The following ZNF385D variants were observed in gnomAD, a reference collection of about 807,000 sequenced individuals.
ZNF385D encodes zinc finger protein 385D.
Under a neutral mutation model 35.8 loss-of-function variants are expected in ZNF385D, and 15 were observed. The ratio of observed to expected loss-of-function variants is 0.42; its 90% confidence interval spans 0.28 to 0.64. The LOEUF (loss-of-function observed/expected upper bound fraction) is 0.64. Ranked by LOEUF, ZNF385D falls within the 30% of genes least tolerant of loss-of-function variation. The probability of loss-of-function intolerance (pLI) is 0.23; values close to 1 mark genes in which losing one functional copy is unlikely to be tolerated. For synonymous variants in ZNF385D, 212 were observed against 186.8 expected (o/e 1.13, Z -1.10); for missense variants, 474 against 494.6 (o/e 0.96, Z 0.39).
intron 3 of ZNF385D, among the ~76,000 whole-genome samples, chr3:21,560,527 G>C (rs2062903629): frequency 6.6e-6 from 1 of 152,212 alleles, no homozygotes; most frequent in African/African-American, 2.4e-5. Context: ...CTTTGTCCCA[G>C]AGGGCTACCT....
intron 1 of ZNF385D, among the ~76,000 whole-genome samples, chr3:21,694,113 G>C (rs919460612): frequency 6.4e-5 from 9 of 140,474 alleles, no homozygotes; most frequent in Non-Finnish European, 1.4e-4. Flanking sequence ...GCGCGATCTC[G>C]GCTCACTGCA....
intron 7 of ZNF385D, among the ~76,000 whole-genome samples, chr3:21,422,357 A>G (rs1219325706): frequency 2.0e-5 from 3 of 152,330 alleles, no homozygotes; most frequent in Admixed American, 2.0e-4. Flanking sequence ...AAGTAACTTT[A>G]CTTTTTTAAA....
chr3:21,774,045 T>C (rs1165729872), intron 3 of ZNF385D, among the ~76,000 whole-genome samples: 2 of 151,900 alleles, frequency 1.3e-5, no homozygotes, highest in African/African-American at 4.8e-5. Context: ...ATAGACTGCG[T>C]AAAGAAAATG....
chr3:22,345,514 C>T (rs1290791896), intron 2 of ZNF385D, among the ~76,000 whole-genome samples: 2 of 152,148 alleles, frequency 1.3e-5, no homozygotes, highest in Non-Finnish European at 2.9e-5. Context: ...CCATTTTAGG[C>T]AATGGAGATA....
chr3:22,158,915 A>G (rs542497816), intron 3 of ZNF385D, among the ~76,000 whole-genome samples: 7 of 152,228 alleles, frequency 4.6e-5, no homozygotes, highest in African/African-American at 1.7e-4. Flanking sequence ...CCTTGGGAAA[A>G]TTACTTCTAG....
In ZNF385D at chr3:22,082,311, G is replaced by A. The variant is rs185400905; in HGVS notation, c.325+86506C>T. ...CCCTTTCCTAGCCAAGGGAAGCCAT[G>A]ACAGACAGTACCTGGAAAATTGGGA... On this transcript the variant is annotated intron_variant, in intron 3 of 5. Transcript: ENST00000494108. Among the ~76,000 whole-genome samples the A allele has an allele frequency of 1.5e-4, 23 of 152,250 alleles. No homozygotes were observed. The East Asian group carries it at 3.9e-3, about 26-fold the overall frequency.
In ZNF385D at chr3:22,342,415, A is replaced by T. The variant is rs188810564; in HGVS notation, c.106+30035T>A. On this transcript the variant is annotated intron_variant, in intron 2 of 5. Transcript: ENST00000494108. ...GTAGACTTACAATCAAGTTCTGCTA[A>T]TTATTTACTTGTAAATTCTATGAAT... Among the ~76,000 whole-genome samples the T allele has an allele frequency of 1.9e-3, 289 of 152,156 alleles. 6 individuals carry two copies. In the South Asian group the frequency reaches 0.027, roughly 14 times the overall value.
intron 4 of ZNF385D, among the ~76,000 whole-genome samples, chr3:21,464,359 TC>T (rs1303107722): frequency 1.5e-4 from 23 of 152,140 alleles, no homozygotes; most frequent in Non-Finnish European, 1.5e-4. Flanking sequence ...AATAAATAAA[TC>T]TTACTGCTAA....
In ZNF385D at chr3:22,151,023, C is replaced by T. The variant is rs545748709; in HGVS notation, c.325+17794G>A. 4.1e-4 allele frequency among the ~76,000 whole-genome samples: 63 copies of T among 152,204 alleles called. 1 individual carries two copies. The highest frequency in any genetic ancestry group is 7.1e-4 in the Non-Finnish European group (48 of 68,008). On this transcript the variant is annotated intron_variant, in intron 3 of 5. Coordinates refer to the ZNF385D transcript ENST00000494108. Reference sequence around the variant, plus strand: ...ATCTAGAGAGAGAAGCTGTGAATTACGAAATAAAATAAAATCTTCTTTTTT... The same window carrying T: ...ATCTAGAGAGAGAAGCTGTGAATTATGAAATAAAATAAAATCTTCTTTTTT...
chr3:21,957,481 G>C (rs1048303383), intron 3 of ZNF385D, among the ~76,000 whole-genome samples: 1 of 152,120 alleles, frequency 6.6e-6, no homozygotes, highest in African/African-American at 2.4e-5. Flanking sequence ...ATAAGGTCCA[G>C]GCTGAGGTGG....
At position 21,418,807 on chromosome 3, in the gene ZNF385D, G is replaced by A. The variant is rs1700619802; in HGVS notation, c.*2407C>T. 6.6e-6 allele frequency: 1 copy of A among 152,162 alleles called. No individual in the cohort carries two copies. The highest frequency in any genetic ancestry group is 2.4e-5 in the African/African-American group (1 of 41,442). 9.4% of individuals were successfully genotyped at this position (152,162 alleles called of 1,614,324 possible). A position where few individuals can be genotyped will look rare whatever the true frequency, so the allele number is the denominator to read the frequency against. On this transcript the variant is annotated 3_prime_UTR_variant, in exon 8 of 8. Transcript: ENST00000281523. Reference sequence around the variant, plus strand: ...TATCAGTTGTAAAGGTTGTTGGATAGGGACTCAGGATGATTATGGAAAATC... The same window carrying A: ...TATCAGTTGTAAAGGTTGTTGGATAAGGACTCAGGATGATTATGGAAAATC...
chr3:21,471,791 T>C (rs768519245), intron 4 of ZNF385D, among the ~76,000 whole-genome samples: 1 of 152,140 alleles, frequency 6.6e-6, no homozygotes, highest in Non-Finnish European at 1.5e-5. Flanking sequence ...ATTTACAGGG[T>C]CTTTCTGAAT....
intron 2 of ZNF385D, among the ~76,000 whole-genome samples, chr3:22,358,155 G>T (rs1300263645): frequency 3.3e-5 from 5 of 151,842 alleles, no homozygotes. Context: ...ATACTGAAAA[G>T]AGACTTTTGG....
intron 4 of ZNF385D, among the ~76,000 whole-genome samples, chr3:21,451,654 T>C (rs73819013): frequency 0.014 from 2,087 of 152,194 alleles, 47 homozygotes; most frequent in African/African-American, 0.047. Context: ...AACAAATGCA[T>C]GACAAAAAAT....
intron 3 of ZNF385D, among the ~76,000 whole-genome samples, chr3:22,016,702 C>T (rs892796517): frequency 6.6e-6 from 1 of 151,944 alleles, no homozygotes; most frequent in African/African-American, 2.4e-5. Context: ...GGAGAGTCAT[C>T]TGGACTTCCA....
intron 3 of ZNF385D, among the ~76,000 whole-genome samples, chr3:21,949,621 T>C (rs796092391): frequency 6.7e-6 from 1 of 150,350 alleles, no homozygotes; most frequent in South Asian, 2.1e-4. Flanking sequence ...GTTTGTTACA[T>C]AGGTATACAA....
intron 1 of ZNF385D, among the ~76,000 whole-genome samples, chr3:21,669,585 CAT>C: frequency 1.3e-5 from 2 of 152,190 alleles, no homozygotes; most frequent in East Asian, 3.9e-4. Context: ...TAAATTTAGA[CAT>C]GTTTGTTTTG....
At chr3:21,794,185 C>T (rs149650549) in intron 3 of ZNF385D, among the ~76,000 whole-genome samples, 26 of 152,166 alleles carry the variant, frequency 1.7e-4, no homozygotes, top group South Asian at 2.1e-4. Flanking sequence ...TTGCGTTCTC[C>T]GCCACCATAT....
chr3:21,731,837 G>C (rs983681806), intron 1 of ZNF385D, among the ~76,000 whole-genome samples: 1 of 151,960 alleles, frequency 6.6e-6, no homozygotes, highest in Non-Finnish European at 1.5e-5. Flanking sequence ...TCTTTCACTT[G>C]CTAATATGCA....
Sources: gnomAD v4.1 joint callset for allele counts (sites outside exome capture counted in the v4.1 genomes callset) on GRCh38, gnomAD v4.1.1 for gene constraint, MANE v1.5 for transcripts, NCBI Gene and HGNC (gene_info 2026-07-23, HGNC 2026-07-21) for gene names.